The following CHD1L variants were observed in gnomAD, a reference collection of about 807,000 sequenced individuals.
CHD1L encodes chromodomain helicase DNA binding protein 1 like, also known as ATP-dependent chromatin remodeler CHD1L.
CHD1L carries 118 observed loss-of-function variants against 115.9 expected under a neutral mutation model. That is an observed-to-expected ratio of 1.02 (90% CI 0.88 to 1.19). The LOEUF is 1.19. Among genes scored for constraint, CHD1L ranks in the 50% most tolerant of loss-of-function variants. The pLI is 0.00. For synonymous variants in CHD1L, 411 were observed against 387.1 expected, an observed-to-expected ratio of 1.06 and a Z score of -0.72; for missense variants, 1,179 against 1,065.3, an observed-to-expected ratio of 1.11 and a Z score of -1.49.
chr1:147,215,816 C>T, the CHD1L span: 129 of 1,613,650 alleles, frequency 8.0e-5, no homozygotes, highest in Non-Finnish European at 1.1e-4. Flanking sequence ...TACTCCAGGA[C>T]CTGGGCATTA....
chr1:147,187,521 G>T, the CHD1L span, among the ~76,000 whole-genome samples: 3 of 152,248 alleles, frequency 2.0e-5, no homozygotes, highest in South Asian at 6.2e-4. Flanking sequence ...TAATCGTTAG[G>T]TTCTTGAAGG....
At position 147,272,160 on chromosome 1, in the gene CHD1L, T is replaced by C. The variant is rs923883825; in HGVS notation, c.1160-11T>C. The C allele has an allele frequency of 6.3e-7, 1 of 1,598,886 alleles. No homozygotes were observed. The highest frequency in any genetic ancestry group is 1.3e-5 in the African/African-American group (1 of 74,306). On this transcript the variant is annotated splice_polypyrimidine_tract_variant and intron_variant, in intron 11 of 22. Coordinates refer to ENST00000369258, the MANE Select transcript of CHD1L (RefSeq NM_004284.6). ...GGGTTAAGATTTCTGTTTTTCTTCCTCTCTGTAAAGGCTACAGCTATGAGC... is the reference window on the plus strand; with the variant it reads ...GGGTTAAGATTTCTGTTTTTCTTCCCCTCTGTAAAGGCTACAGCTATGAGC...
intron 10 of CHD1L, 58 bp from the exon 11 acceptor site, chr1:147,270,874 G>T: frequency 6.9e-7 from 1 of 1,456,402 alleles, no homozygotes; most frequent in Non-Finnish European, 9.6e-7. Flanking sequence ...TTGCCTGAGG[G>T]AAATTGACCT....
chr1:147,216,798 C>T, the CHD1L span, among the ~76,000 whole-genome samples: 1 of 152,184 alleles, frequency 6.6e-6, no homozygotes, highest in East Asian at 1.9e-4. Flanking sequence ...CCACCTCAGA[C>T]CTACTGAATC....
intron 9 of CHD1L, among the ~76,000 whole-genome samples, chr1:147,268,247 G>A (rs2102610945): frequency 6.6e-6 from 1 of 152,076 alleles, no homozygotes; most frequent in South Asian, 2.1e-4. Flanking sequence ...CTTCATACTG[G>A]GGCTTTTTTG....
At chr1:147,276,081 A>G (rs1553957519) in intron 13 of CHD1L, 23 bp from the exon 14 acceptor site, 1 of 1,613,262 alleles carries the variant, frequency 6.2e-7, no homozygotes, top group East Asian at 2.2e-5. Flanking sequence ...ATAGCACACT[A>G]CCCTTGTTTG....
At position 147,266,025 on chromosome 1, in the gene CHD1L, T is replaced by TGGTATATC. The variant is rs782454663; in HGVS notation, c.833_834insGGTATATC (p.Ile278MetfsTer20). ...CTTCCCAAGAAGACAGAAGTAGTGA[T>TGGTATATC]ATACCATGGCATGTCAGCATTGCAG... is the stretch of plus-strand genomic sequence containing the variant. On this transcript the variant is annotated frameshift_variant, in exon 8 of 23. Coordinates refer to ENST00000369258, the MANE Select transcript of CHD1L (RefSeq NM_004284.6). LOFTEE classifies it high-confidence loss of function. 2 of 1,613,886 alleles carry TGGTATATC rather than the reference T, an allele frequency of 1.2e-6. No homozygotes were observed. Among genetic ancestry groups the TGGTATATC allele is most frequent in the Non-Finnish European group, 1.7e-6 (2 of 1,179,840 alleles).
chr1:147,240,207 G>T (rs181537445), upstream of CHD1L, among the ~76,000 whole-genome samples: 1 of 152,196 alleles, frequency 6.6e-6, no homozygotes, highest in Non-Finnish European at 1.5e-5. Flanking sequence ...TCTGCCTTGA[G>T]ATGCTGTTAA....
At chr1:147,194,285 C>A in the CHD1L span, among the ~76,000 whole-genome samples, 433 of 152,182 alleles carry the variant, frequency 2.8e-3, 7 homozygotes, top group African/African-American at 9.7e-3. Context: ...CTCTTTAGAT[C>A]TTTGCTGGTT....
At chr1:147,272,143 A>T (rs782766295) in intron 11 of CHD1L, 28 bp from the exon 12 acceptor site, 2 of 1,579,550 alleles carry the variant, frequency 1.3e-6, no homozygotes. Flanking sequence ...AAGGGTTAAG[A>T]TTTCTGTTTT....
the CHD1L span, among the ~76,000 whole-genome samples, chr1:147,201,793 G>T: frequency 6.6e-6 from 1 of 152,142 alleles, no homozygotes; most frequent in Non-Finnish European, 1.5e-5. Context: ...TTCTGTGTGT[G>T]ATATGATAAG....
At chr1:147,203,709 CAAGACGTTTATCCCTTGT>C in the CHD1L span, 1 of 1,515,674 alleles carries the variant, frequency 6.6e-7, no homozygotes, top group African/African-American at 1.4e-5. Context: ...CCTCTGGGTA[CAAGACGTTTATCCCTTGT>C]AAGAACTTTG....
the CHD1L span, chr1:147,204,617 C>A: frequency 6.3e-7 from 1 of 1,592,432 alleles, no homozygotes; most frequent in Non-Finnish European, 8.6e-7. Flanking sequence ...CCGGCAAATA[C>A]CAGAACAATG....
chr1:147,194,927 G>T, the CHD1L span, among the ~76,000 whole-genome samples: 3 of 151,760 alleles, frequency 2.0e-5, no homozygotes, highest in East Asian at 5.8e-4. Flanking sequence ...CTTTCTCTCT[G>T]GCTGCCCTTA....
chr1:147,203,476 G>T, the CHD1L span: 1 of 833,680 alleles, frequency 1.2e-6, no homozygotes, highest in Non-Finnish European at 2.1e-6. Flanking sequence ...TACAGCCTCA[G>T]TATCTAATCC....
At chr1:147,235,087 C>CTGTG in the CHD1L span, among the ~76,000 whole-genome samples, 8,705 of 146,086 alleles carry the variant, frequency 0.06, 392 homozygotes, top group African/African-American at 0.12. Flanking sequence ...ATATCCCACA[C>CTGTG]TGTGTGTGTG....
At chr1:147,277,237 G>T (rs894584423) in intron 14 of CHD1L, among the ~76,000 whole-genome samples, 1 of 152,124 alleles carries the variant, frequency 6.6e-6, no homozygotes, top group Non-Finnish European at 1.5e-5. Flanking sequence ...CAAAAGGAAA[G>T]AATTTTATTT....
At chr1:147,204,203 C>T in the CHD1L span, 96 of 1,376,536 alleles carry the variant, frequency 7.0e-5, 3 homozygotes, top group South Asian at 1.0e-3. Context: ...ATCAAAAGGA[C>T]AAGAGTACAC....
rs1553939864 is a variant in CHD1L, at chr1:147,255,833, G to A, written c.368G>A (p.Cys123Tyr). 1.9e-6 allele frequency: 3 copies of A among 1,613,136 alleles called. No homozygotes were observed. Among genetic ancestry groups the A allele is most frequent in the East Asian group, 2.2e-5 (1 of 44,868 alleles). Residue 123 changes from cysteine (C) to tyrosine (Y), a missense_variant, in exon 4 of 23, where the codon TGT becomes TAT. By Grantham distance (194) the Cys-to-Tyr change is radical. Transcript: ENST00000369258. The part of the protein sequence containing the change: ...EMQRFAPGLS[C>Y]VTYAGDKEER... ...TTCAGATTTGCTCCAGGTCTTTCCT[G>A]TGTAACATATGCAGGCGACAAGGAG...
Sources: gnomAD v4.1 joint callset for allele counts (sites outside exome capture counted in the v4.1 genomes callset) on GRCh38, gnomAD v4.1.1 for gene constraint, MANE v1.5 for transcripts, NCBI Gene and HGNC (gene_info 2026-07-23, HGNC 2026-07-21) for gene names.